The following GLI2 variants were observed in gnomAD, a reference collection of about 807,000 sequenced individuals.
The protein encoded by GLI2 is GLI family zinc finger 2, also known as transcription activator GLI2.
Under a neutral mutation model 78.9 loss-of-function variants are expected in GLI2, and 22 were observed. The observed-to-expected ratio is 0.28, with a 90% confidence interval of 0.20 to 0.40. The LOEUF is 0.40. GLI2 is among the 10% of genes least tolerant of loss of function. The pLI, the probability that GLI2 is intolerant of heterozygous loss-of-function variation, is 1.00. For synonymous variants in GLI2, 974 were observed against 963.7 expected (o/e 1.01, Z -0.20); for missense variants, 2,097 against 2,213.2 (o/e 0.95, Z 1.05).
intron 1 of GLI2, among the ~76,000 whole-genome samples, chr2:120,770,982 C>T (rs1432034647): frequency 6.6e-6 from 1 of 152,218 alleles, no homozygotes; most frequent in East Asian, 1.9e-4. Flanking sequence ...TTTTGCCCCA[C>T]TTGCCCAGGC....
At chr2:120,930,876 C>G (rs1679915521) in intron 3 of GLI2, among the ~76,000 whole-genome samples, 2 of 152,208 alleles carry the variant, frequency 1.3e-5, no homozygotes, top group Non-Finnish European at 2.9e-5. Context: ...TTGCCATGCT[C>G]CAGCTCTGGG....
Position 120,970,508 on chromosome 2 carries a change from C to T in GLI2, c.961C>T (p.Pro321Ser). 2 of 1,614,060 alleles carry T rather than the reference C, an allele frequency of 1.2e-6. No individual in the cohort carries two copies. Among genetic ancestry groups the T allele is most frequent in the South Asian group, 1.1e-5 (1 of 91,076 alleles). ...CACACCACCCCTGATCCAGCCCTCA[C>T]CCACCTTCCTGGCCCAGCAGCCCAT... is the stretch of plus-strand genomic sequence containing the variant. ...GHTPPLIQPSPTFLAQQPMAL... is the reference protein window; with the variant it reads ...GHTPPLIQPSSTFLAQQPMAL... The change falls in exon 7 of 14, where the codon CCC becomes TCC. Residue 321 changes from proline to serine, a missense_variant. Pro to Ser is a moderately conservative substitution (Grantham distance 74). Around this residue, in one of 5 missense-constraint regions of GLI2, gnomAD observed 578 missense variants for 612.0 expected, o/e 0.94. Transcript: ENST00000361492.
chr2:120,960,381 C>T (rs967762943), intron 5 of GLI2, among the ~76,000 whole-genome samples: 1 of 152,092 alleles, frequency 6.6e-6, no homozygotes, highest in African/African-American at 2.4e-5. Flanking sequence ...GGCAAGAGGG[C>T]GAGCAGGGAG....
chr2:120,768,799 C>CTG (rs5833852), intron 1 of GLI2, among the ~76,000 whole-genome samples: 11,577 of 147,504 alleles, frequency 0.078, 474 homozygotes, highest in Non-Finnish European at 0.093. Flanking sequence ...GGCCCCGCCC[C>CTG]TGTGTGTGTG....
At chr2:120,976,913 A>G (rs1306305441) in intron 9 of GLI2, among the ~76,000 whole-genome samples, 1 of 152,226 alleles carries the variant, frequency 6.6e-6, no homozygotes, top group Non-Finnish European at 1.5e-5. Context: ...ATTATTAACA[A>G]TTTGTTGCTA....
chr2:120,953,141 C>G (rs1416125445), intron 4 of GLI2, among the ~76,000 whole-genome samples: 1 of 152,238 alleles, frequency 6.6e-6, no homozygotes, highest in African/African-American at 2.4e-5. Context: ...AGTTAGGTCT[C>G]TTAAGCTGAA....
chr2:120,736,285 G>A lies in GLI2; in HGVS notation c.-31G>A, dbSNP rs1682348248. ...CTAGAGGCAAACTTTTGTCTCTCTCGGTAAAGTTGCATTGGCCTTCTTTTG... is the reference window on the plus strand; with the variant it reads ...CTAGAGGCAAACTTTTGTCTCTCTCAGTAAAGTTGCATTGGCCTTCTTTTG... On this transcript the variant is annotated splice_region_variant and 5_prime_UTR_variant, in exon 1 of 14. Transcript: ENST00000361492. 6.6e-6 allele frequency: 1 copy of A among 152,030 alleles called. No homozygotes were observed. Among genetic ancestry groups the A allele is most frequent in the Admixed American group, 6.5e-5 (1 of 15,278 alleles). 9.4% of individuals were successfully genotyped at this position (152,030 alleles called of 1,614,324 possible). A position where few individuals can be genotyped will look rare whatever the true frequency, so the allele number is the denominator to read the frequency against.
chr2:120,936,826 T>C (rs760576174), intron 3 of GLI2, among the ~76,000 whole-genome samples: 2 of 152,216 alleles, frequency 1.3e-5, no homozygotes, highest in Admixed American at 6.5e-5. Flanking sequence ...GCTGGATTTA[T>C]TGTATCCCAA....
At chr2:120,785,439 C>A (rs1683971349) in intron 1 of GLI2, among the ~76,000 whole-genome samples, 1 of 152,272 alleles carries the variant, frequency 6.6e-6, no homozygotes, top group Admixed American at 6.5e-5. Flanking sequence ...CTGGCAGAGG[C>A]ACAGACAGAA....
At chr2:120,873,080 A>G (rs998482818) in intron 2 of GLI2, among the ~76,000 whole-genome samples, 7 of 152,206 alleles carry the variant, frequency 4.6e-5, no homozygotes, top group African/African-American at 1.7e-4. Flanking sequence ...CCTGCTTTTT[A>G]CAAAATGGGA....
Position 120,768,092 on chromosome 2 carries a change from C to T in GLI2, c.-30-29199C>T, listed in dbSNP as rs1205239059. ...ACTATTTTTACTCTTGTCTGAAGCTCGAGTTTGGCATATTTTAAAAATTAA... is the reference window on the plus strand; with the variant it reads ...ACTATTTTTACTCTTGTCTGAAGCTTGAGTTTGGCATATTTTAAAAATTAA... On this transcript the variant is annotated intron_variant, in intron 1 of 13. Coordinates refer to ENST00000361492, the MANE Select transcript of GLI2 (RefSeq NM_001374353.1). Among the ~76,000 whole-genome samples the T allele has an allele frequency of 2.6e-5, 4 of 152,192 alleles. No homozygotes were observed. In the East Asian group the frequency reaches 5.8e-4, roughly 22 times the overall value.
Position 120,931,127 on chromosome 2 carries a change from A to T in GLI2, c.254+3661A>T, listed in dbSNP as rs762451119. ...CTTAAAACAATGTAAACTTATCCTC[A>T]TATCATTCCGGAGGTCAGAAGTCTG... On this transcript the variant is annotated intron_variant, in intron 3 of 13. Coordinates refer to ENST00000361492, the MANE Select transcript of GLI2 (RefSeq NM_001374353.1). Among the ~76,000 whole-genome samples the T allele has an allele frequency of 4.6e-5, 7 of 152,358 alleles. No homozygotes were observed. The East Asian group carries it at 9.6e-4, about 21-fold the overall frequency.
intron 5 of GLI2, among the ~76,000 whole-genome samples, chr2:120,967,996 T>C (rs1404234977): frequency 6.6e-6 from 1 of 152,210 alleles, no homozygotes; most frequent in Non-Finnish European, 1.5e-5. Context: ...CAGGGGGCAC[T>C]TTAGTGGTGA....
intron 1 of GLI2, among the ~76,000 whole-genome samples, chr2:120,793,906 C>T (rs1429125140): frequency 2.0e-5 from 3 of 152,198 alleles, no homozygotes; most frequent in African/African-American, 7.2e-5. Flanking sequence ...TTGGGCAGCT[C>T]ACTCCCCATG....
At chr2:120,829,515 A>T (rs1210751945) in intron 2 of GLI2, among the ~76,000 whole-genome samples, 2 of 152,048 alleles carry the variant, frequency 1.3e-5, no homozygotes, top group Non-Finnish European at 2.9e-5. Context: ...TTAGCTTCCC[A>T]TCTCTAGGTG....
chr2:120,980,098 A>G (rs990823520), intron 10 of GLI2, among the ~76,000 whole-genome samples: 9 of 152,260 alleles, frequency 5.9e-5, no homozygotes, highest in African/African-American at 2.2e-4. Context: ...TAATGCTGCT[A>G]TGAACATGTG....
At chr2:120,932,112 AT>A (rs1232711666) in intron 3 of GLI2, among the ~76,000 whole-genome samples, 5 of 152,166 alleles carry the variant, frequency 3.3e-5, no homozygotes, top group Non-Finnish European at 7.4e-5. Flanking sequence ...TCTGGCTTCC[AT>A]GATGAATGTG....
intron 2 of GLI2, among the ~76,000 whole-genome samples, chr2:120,915,865 C>T (rs1679072706): frequency 6.6e-6 from 1 of 152,220 alleles, no homozygotes; most frequent in Admixed American, 6.5e-5. Context: ...GCAGCTGCTG[C>T]TCAGAAGCAC....
chr2:120,784,216 G>A (rs1683931368), intron 1 of GLI2, among the ~76,000 whole-genome samples: 2 of 152,242 alleles, frequency 1.3e-5, no homozygotes, highest in Non-Finnish European at 2.9e-5. Flanking sequence ...CAGTGGAACA[G>A]GCAGTGAAGC....
Sources: gnomAD v4.1 joint callset for allele counts (sites outside exome capture counted in the v4.1 genomes callset) on GRCh38, gnomAD v4.1.1 for gene constraint, gnomAD v4.1.1 regional missense constraint, MANE v1.5 for transcripts, NCBI Gene and HGNC (gene_info 2026-07-23, HGNC 2026-07-21) for gene names.